PPARGC1A: variants seen among roughly 807,000 people sequenced by gnomAD.
PPARGC1A encodes the protein peroxisome proliferator-activated receptor gamma coactivator 1-alpha.
In PPARGC1A, 25 loss-of-function variants were observed where a neutral mutation model predicts 88.7. The ratio of observed to expected loss-of-function variants is 0.28; its 90% confidence interval spans 0.21 to 0.39. PPARGC1A has a LOEUF of 0.39. Ranked by LOEUF, PPARGC1A falls within the 10% of genes least tolerant of loss-of-function variation. PPARGC1A has a pLI of 1.00. For synonymous variants in PPARGC1A, 363 were observed against 355.6 expected (o/e 1.02, Z -0.24); for missense variants, 880 against 968.7 (o/e 0.91, Z 1.22).
chr4:24,302,047 C>T, the PPARGC1A span, among the ~76,000 whole-genome samples: 6 of 152,116 alleles, frequency 3.9e-5, no homozygotes, highest in African/African-American at 1.4e-4. Context: ...TCGTTTCCCC[C>T]CAAGTTGTTC....
At chr4:24,065,924 C>T in the PPARGC1A span, among the ~76,000 whole-genome samples, 1 of 152,170 alleles carries the variant, frequency 6.6e-6, no homozygotes, top group Non-Finnish European at 1.5e-5. Context: ...GTATGATTCT[C>T]CACTTCCTTC....
the PPARGC1A span, among the ~76,000 whole-genome samples, chr4:24,245,163 C>A: frequency 6.6e-6 from 1 of 152,206 alleles, no homozygotes; most frequent in Non-Finnish European, 1.5e-5. Flanking sequence ...TCATGAATAA[C>A]GCAATGTGCT....
chr4:24,453,255 A>G, the PPARGC1A span, among the ~76,000 whole-genome samples: 1 of 152,234 alleles, frequency 6.6e-6, no homozygotes, highest in Non-Finnish European at 1.5e-5. Context: ...CTGTGAGGAA[A>G]TAATTTCTGT....
chr4:24,038,551 C>T, the PPARGC1A span, among the ~76,000 whole-genome samples: 1 of 152,172 alleles, frequency 6.6e-6, no homozygotes, highest in Non-Finnish European at 1.5e-5. Flanking sequence ...TTCGAATTCT[C>T]TCTTCCAATG....
chr4:24,127,525 T>TTA, the PPARGC1A span, among the ~76,000 whole-genome samples: 4,929 of 151,282 alleles, frequency 0.033, 97 homozygotes, highest in Middle Eastern at 0.048. Flanking sequence ...ATGATTAACT[T>TTA]TATATATATA....
chr4:24,008,108 G>C, the PPARGC1A span, among the ~76,000 whole-genome samples: 1 of 152,192 alleles, frequency 6.6e-6, no homozygotes, highest in Non-Finnish European at 1.5e-5. Context: ...TGCACAAGGA[G>C]AGGAAGAGAA....
intron 2 of PPARGC1A, among the ~76,000 whole-genome samples, chr4:23,868,481 A>G (rs915327039): frequency 6.6e-6 from 1 of 152,192 alleles, no homozygotes; most frequent in African/African-American, 2.4e-5. Flanking sequence ...AAATCTGTCC[A>G]TTAACAAAAA....
chr4:23,939,659 T>G, the PPARGC1A span, among the ~76,000 whole-genome samples: 1 of 152,264 alleles, frequency 6.6e-6, no homozygotes. Context: ...TGCCACAAAC[T>G]TAGAAGTTAT....
At chr4:24,377,437 G>T in the PPARGC1A span, among the ~76,000 whole-genome samples, 5 of 151,944 alleles carry the variant, frequency 3.3e-5, no homozygotes, top group Non-Finnish European at 7.4e-5. Context: ...GCATAAATAT[G>T]CATCAACCCC....
At chr4:23,855,334 C>A (rs558713115) in intron 2 of PPARGC1A, among the ~76,000 whole-genome samples, 1 of 152,222 alleles carries the variant, frequency 6.6e-6, no homozygotes, top group East Asian at 1.9e-4. Context: ...TGGCTTTTAC[C>A]ACTCAAGACT....
At chr4:24,098,352 G>C in the PPARGC1A span, among the ~76,000 whole-genome samples, 1 of 152,288 alleles carries the variant, frequency 6.6e-6, no homozygotes, top group East Asian at 1.9e-4. Flanking sequence ...GCATTTATAT[G>C]TTTTAAGCAA....
chr4:24,143,705 T>C, the PPARGC1A span, among the ~76,000 whole-genome samples: 706 of 152,362 alleles, frequency 4.6e-3, 13 homozygotes, highest in East Asian at 0.07. Flanking sequence ...ATCACTTTTT[T>C]ATTAAATAAG....
chr4:24,014,658 G>T, the PPARGC1A span, among the ~76,000 whole-genome samples: 2 of 152,064 alleles, frequency 1.3e-5, no homozygotes, highest in African/African-American at 4.8e-5. Flanking sequence ...GCTCCAGAGG[G>T]TCATCCTTCT....
chr4:23,891,596 T>C (rs1396112086), upstream of PPARGC1A, among the ~76,000 whole-genome samples: 1 of 152,240 alleles, frequency 6.6e-6, no homozygotes, highest in Admixed American at 6.5e-5. Context: ...AAGAGATTTG[T>C]GTGCTGTGAG....
the PPARGC1A span, among the ~76,000 whole-genome samples, chr4:24,307,847 A>T: frequency 1.3e-5 from 2 of 152,118 alleles, no homozygotes; most frequent in Non-Finnish European, 2.9e-5. Context: ...AATACCCAAG[A>T]CAGTCTCATA....
the PPARGC1A span, among the ~76,000 whole-genome samples, chr4:23,910,977 G>A: frequency 3.3e-5 from 5 of 150,568 alleles, no homozygotes; most frequent in African/African-American, 7.3e-5. Context: ...TCGCTCTAAC[G>A]TCTGCCAAAC....
At chr4:24,074,848 G>A in the PPARGC1A span, among the ~76,000 whole-genome samples, 2 of 152,134 alleles carry the variant, frequency 1.3e-5, no homozygotes, top group African/African-American at 4.8e-5. Flanking sequence ...TGGAACTATA[G>A]TACAAAGAGA....
chr4:24,031,605 T>C, the PPARGC1A span, among the ~76,000 whole-genome samples: 1 of 152,204 alleles, frequency 6.6e-6, no homozygotes, highest in African/African-American at 2.4e-5. Context: ...ACTCACACTC[T>C]GGCTCCGATC....
the PPARGC1A span, among the ~76,000 whole-genome samples, chr4:23,951,666 C>T: frequency 2.0e-5 from 3 of 152,128 alleles, no homozygotes; most frequent in Admixed American, 2.0e-4. Context: ...TCACAAAAAC[C>T]TACATCTGAG....
Sources: allele counts gnomAD v4.1 joint callset (sites outside exome capture counted in the v4.1 genomes callset), GRCh38; gene constraint gnomAD v4.1.1; transcripts MANE v1.5; gene names NCBI Gene and HGNC (gene_info 2026-07-23, HGNC 2026-07-21).